The following KCNA6 variants were observed in gnomAD, a reference collection of about 807,000 sequenced individuals.
The protein encoded by KCNA6 is human brain potassium channel-2.
KCNA6 carries 17 observed loss-of-function variants against 29.5 expected under a neutral mutation model. The ratio of observed to expected loss-of-function variants is 0.58; its 90% confidence interval spans 0.39 to 0.86. The LOEUF (loss-of-function observed/expected upper bound fraction) is 0.86. Ranked by LOEUF, KCNA6 falls within the 40% of genes least tolerant of loss-of-function variation. The pLI is 0.00. For synonymous variants in KCNA6, 296 were observed against 304.7 expected, an observed-to-expected ratio of 0.97 and a Z score of 0.30; for missense variants, 450 against 703.4, an observed-to-expected ratio of 0.64 and a Z score of 4.07.
exon 1 of KCNA6, chr12:4,812,174 A>G (rs1237192815): frequency 5.9e-6 from 1 of 168,906 alleles, no homozygotes; most frequent in Non-Finnish European, 1.4e-5. Flanking sequence ...TAGAGTCTTT[A>G]TTTGCATAGC....
the KCNA6 span, among the ~76,000 whole-genome samples, chr12:4,831,744 C>G: frequency 2.0e-4 from 30 of 152,264 alleles, no homozygotes; most frequent in African/African-American, 7.0e-4. Context: ...AAAATAATCT[C>G]TTATGAGAGC....
the KCNA6 span, among the ~76,000 whole-genome samples, chr12:4,848,911 C>G: frequency 2.6e-5 from 4 of 151,786 alleles, no homozygotes; most frequent in Non-Finnish European, 5.9e-5. Flanking sequence ...GTCAGGAGAT[C>G]GAGATTGAGA....
chr12:4,827,326 A>G, the KCNA6 span, among the ~76,000 whole-genome samples: 1 of 150,782 alleles, frequency 6.6e-6, no homozygotes, highest in African/African-American at 2.4e-5. Context: ...TATCCTAGTT[A>G]TTAAGTGATT....
chr12:4,810,894 T>G lies in KCNA6; in HGVS notation c.853T>G (p.Cys285Gly). ...TGAGCTCCTGGTGCGCTTCTCCGCC[T>G]GCCCTAGCAAGCCGGCCTTCTTCCG... Residue 285 changes from cysteine to glycine, a missense_variant, in exon 1 of 1, where the codon TGC becomes GGC. Coordinates refer to ENST00000280684, the Ensembl canonical transcript of KCNA6. This position sits in a 1 kb window ranked among gnomAD's most constrained non-coding sequence, Gnocchi z 7.5. The G allele has an allele frequency of 6.2e-7, 1 of 1,614,092 alleles. No homozygotes were observed. Among genetic ancestry groups the G allele is most frequent in the Middle Eastern group, 1.6e-4 (1 of 6,062 alleles).
the KCNA6 span, among the ~76,000 whole-genome samples, chr12:4,825,113 T>G: frequency 6.6e-6 from 1 of 152,224 alleles, no homozygotes; most frequent in Non-Finnish European, 1.5e-5. Context: ...TTTCCTCATT[T>G]CTCAGTTACA....
At chr12:4,834,260 T>G in the KCNA6 span, among the ~76,000 whole-genome samples, 1 of 152,120 alleles carries the variant, frequency 6.6e-6, no homozygotes, top group Non-Finnish European at 1.5e-5. Flanking sequence ...AAGTGTTGGC[T>G]TCCAGAAACC....
the KCNA6 span, among the ~76,000 whole-genome samples, chr12:4,833,990 G>A: frequency 8.6e-5 from 13 of 150,406 alleles, no homozygotes; most frequent in South Asian, 4.2e-4. Flanking sequence ...GTGCAGTGGC[G>A]TGATCATGAC....
the KCNA6 span, among the ~76,000 whole-genome samples, chr12:4,828,718 A>T: frequency 6.6e-6 from 1 of 152,170 alleles, no homozygotes; most frequent in Non-Finnish European, 1.5e-5. Flanking sequence ...GCTTGCCCAG[A>T]GTCACACACA....
At chr12:4,818,353 C>T (rs1299684160), downstream of KCNA6, among the ~76,000 whole-genome samples, 4 of 152,216 alleles carry the variant, frequency 2.6e-5, no homozygotes, top group Admixed American at 1.3e-4. Context: ...GGAGCCTGAT[C>T]GTCGCGGCTC....
chr12:4,841,018 C>T, the KCNA6 span, among the ~76,000 whole-genome samples: 3 of 152,134 alleles, frequency 2.0e-5, no homozygotes, highest in Admixed American at 6.6e-5. Flanking sequence ...TCATATAGTC[C>T]TGATAAGCAG....
chr12:4,814,571 A>G (rs1946663898), downstream of KCNA6: 1 of 167,034 alleles, frequency 6.0e-6, no homozygotes, highest in Admixed American at 6.5e-5. This position sits in a 1 kb window ranked among gnomAD's most constrained non-coding sequence, Gnocchi z 4.6. Context: ...CTTTATTTGG[A>G]TTTTGTGCCT....
chr12:4,828,507 A>G, the KCNA6 span, among the ~76,000 whole-genome samples: 1 of 152,242 alleles, frequency 6.6e-6, no homozygotes, highest in African/African-American at 2.4e-5. Context: ...AAGAGTCAAG[A>G]GATGTAAACA....
the KCNA6 span, among the ~76,000 whole-genome samples, chr12:4,837,379 C>T: frequency 6.6e-6 from 1 of 152,126 alleles, no homozygotes; most frequent in Non-Finnish European, 1.5e-5. Context: ...AGCAAACCCA[C>T]GGAGGGGGTC....
the KCNA6 span, among the ~76,000 whole-genome samples, chr12:4,845,050 G>A: frequency 6.6e-6 from 1 of 152,058 alleles, no homozygotes; most frequent in African/African-American, 2.4e-5. Flanking sequence ...CTTCCATTGC[G>A]GAAGCTTCCC....
downstream of KCNA6, among the ~76,000 whole-genome samples, chr12:4,816,060 A>G (rs1441361786): frequency 1.3e-5 from 2 of 152,246 alleles, no homozygotes; most frequent in Non-Finnish European, 2.9e-5. Context: ...CAACGAGTCT[A>G]ATAATCTGGG....
chr12:4,825,293 G>A, the KCNA6 span, among the ~76,000 whole-genome samples: 2 of 152,306 alleles, frequency 1.3e-5, no homozygotes, highest in African/African-American at 4.8e-5. Context: ...CAGGCACTAT[G>A]TTTCAGAAAT....
At chr12:4,821,453 TGTGTGTG>T in the KCNA6 span, among the ~76,000 whole-genome samples, 1 of 134,024 alleles carries the variant, frequency 7.5e-6, no homozygotes, top group East Asian at 2.2e-4. Context: ...TGTGTGTGTG[TGTGTGTG>T]TTTTGTTTTT....
the KCNA6 span, among the ~76,000 whole-genome samples, chr12:4,824,424 T>G: frequency 6.6e-6 from 1 of 152,180 alleles, no homozygotes; most frequent in Admixed American, 6.5e-5. Context: ...CATCAAATAC[T>G]TGGTCATAAC....
the KCNA6 span, among the ~76,000 whole-genome samples, chr12:4,823,131 C>G: frequency 6.6e-6 from 1 of 152,092 alleles, no homozygotes; most frequent in East Asian, 1.9e-4. Context: ...TCACTTGTTC[C>G]AACAGATGAG....
Sources: allele counts gnomAD v4.1 joint callset (sites outside exome capture counted in the v4.1 genomes callset), GRCh38; gene constraint gnomAD v4.1.1; non-coding constraint Gnocchi (gnomAD v3.1); transcripts MANE v1.5; gene names NCBI Gene and HGNC (gene_info 2026-07-23, HGNC 2026-07-21).